LMTK2: variants seen among roughly 807,000 people sequenced by gnomAD.
LMTK2 encodes the protein lemur tail kinase 2.
A neutral mutation model predicts 127.5 loss-of-function variants in LMTK2; 37 were observed. That is an observed-to-expected ratio of 0.29 (90% CI 0.22 to 0.38). The LOEUF (loss-of-function observed/expected upper bound fraction) is 0.38. Ranked by LOEUF, LMTK2 falls within the 10% of genes least tolerant of loss-of-function variation. LMTK2 has a pLI of 1.00. For missense variants in LMTK2, 1,694 were observed against 1,920.3 expected (o/e 0.88, Z 2.20); for synonymous variants, 819 against 810.1 (o/e 1.01, Z -0.19).
chr7:98,154,550 A>G (rs1796900099), intron 4 of LMTK2, among the ~76,000 whole-genome samples: 1 of 152,246 alleles, frequency 6.6e-6, no homozygotes, highest in Non-Finnish European at 1.5e-5. Flanking sequence ...TGAATATTGT[A>G]ACTATCTGGT....
Position 98,204,098 on chromosome 7 carries a change from G to A in LMTK2, c.4395G>A (p.Ser1465=), listed in dbSNP as rs200807391. ...GCACGGAGCAGAGCTGGCCGCACTC[G>A]GCGCCTTACTCCCGGTTCTCCATCT... ...ARSTEQSWPH[S]APYSRFSISP... is the part of the protein sequence containing the mutation. The change falls in exon 13 of 14, where the codon TCG becomes TCA. Residue 1465 remains serine, a synonymous_variant. Coordinates refer to ENST00000297293, the MANE Select transcript of LMTK2 (RefSeq NM_014916.4). 196 of 1,613,286 alleles carry A rather than the reference G, an allele frequency of 1.2e-4. 1 individual carries two copies. In the East Asian group the frequency reaches 1.5e-3, roughly 13 times the overall value.
Position 98,192,954 on chromosome 7 carries a change from C to T in LMTK2, c.2489C>T (p.Pro830Leu), listed in dbSNP as rs1407220534. 6.2e-7 allele frequency: 1 copy of T among 1,614,092 alleles called. No individual in the cohort carries two copies. Among genetic ancestry groups the T allele is most frequent in the Admixed American group, 1.7e-5 (1 of 60,020 alleles). The part of the protein sequence containing the change: ...FETEETPRRV[P>L]PDSLPTQGET... ...ACAGAAGAAACGCCCCGTCGGGTAC[C>T]CCCAGACTCACTCCCAACACAGGGA... is the stretch of plus-strand genomic sequence containing the variant. Residue 830 changes from proline to leucine, a missense_variant, in exon 11 of 14, where the codon CCC becomes CTC. Pro to Leu is a moderately conservative substitution (Grantham distance 98). Transcript: ENST00000297293.
chr7:98,140,149 T>TTCG (rs1562902751), intron 2 of LMTK2, among the ~76,000 whole-genome samples: 951 of 8,216 alleles, frequency 0.12, 296 homozygotes, highest in Middle Eastern at 0.5. Context: ...TTTCTTTTCT[T>TTCG]TTCTTTTCTT....
intron 3 of LMTK2, among the ~76,000 whole-genome samples, chr7:98,144,856 A>T (rs764717338): frequency 6.6e-6 from 1 of 150,924 alleles, no homozygotes; most frequent in Non-Finnish European, 1.5e-5. Flanking sequence ...ATTAAAGCGT[A>T]TGTATTCTTG....
At chr7:98,172,204 C>G (rs905418530) in intron 7 of LMTK2, among the ~76,000 whole-genome samples, 1 of 152,184 alleles carries the variant, frequency 6.6e-6, no homozygotes, top group African/African-American at 2.4e-5. Flanking sequence ...GCCCCCCGCT[C>G]CCGGGTGGGT....
chr7:98,203,211 A>T (rs903593), intron 11 of LMTK2, among the ~76,000 whole-genome samples: 1 of 152,252 alleles, frequency 6.6e-6, no homozygotes, highest in Non-Finnish European at 1.5e-5. Context: ...TGTCCAGGGC[A>T]GTGCCCACTT....
At chr7:98,156,622 G>A (rs1422861472) in intron 5 of LMTK2, among the ~76,000 whole-genome samples, 2 of 152,116 alleles carry the variant, frequency 1.3e-5, no homozygotes, top group Non-Finnish European at 2.9e-5. Context: ...CAAAACATAC[G>A]TTAAGTTATA....
At position 98,141,475 on chromosome 7, in the gene LMTK2, G is replaced by C; in HGVS notation, c.310G>C (p.Glu104Gln). The stretch of plus-strand genomic sequence containing the variant: ...CACTCCCTCTGTTCAGTCCCCAGCA[G>C]AGGTCTTCACACTTTCAGTACCAAA... Reference protein sequence around the residue: ...EDTPSVQSPAEVFTLSVPNIS... With the variant: ...EDTPSVQSPAQVFTLSVPNIS... Residue 104 changes from glutamate (E) to glutamine (Q), a missense_variant, in exon 3 of 14, where the codon GAG (glutamate) becomes CAG (glutamine). Transcript: ENST00000297293. 6.2e-7 allele frequency: 1 copy of C among 1,613,762 alleles called. No individual in the cohort carries two copies.
chr7:98,117,999 G>A (rs571442141), intron 1 of LMTK2, among the ~76,000 whole-genome samples: 16 of 152,168 alleles, frequency 1.1e-4, no homozygotes, highest in Middle Eastern at 3.4e-3. Context: ...AACAAGATCT[G>A]GGTGCTGGGT....
chr7:98,133,796 A>G (rs1338574406), intron 1 of LMTK2, among the ~76,000 whole-genome samples: 2 of 152,154 alleles, frequency 1.3e-5, no homozygotes, highest in Non-Finnish European at 2.9e-5. Flanking sequence ...CTTCATACCT[A>G]TCTAGTGACT....
intron 9 of LMTK2, among the ~76,000 whole-genome samples, chr7:98,189,045 C>A (rs113796102): frequency 6.6e-6 from 1 of 152,142 alleles, no homozygotes; most frequent in East Asian, 1.9e-4. Flanking sequence ...TTTCAAACAA[C>A]CTTTCTTCAA....
Position 98,135,231 on chromosome 7 carries a change from AT to A in LMTK2, c.104-2083del, listed in dbSNP as rs1408788831. Among the ~76,000 whole-genome samples, 3 of 152,340 alleles carry A rather than the reference AT, an allele frequency of 2.0e-5. No individual in the cohort carries two copies. The South Asian group carries it at 6.2e-4, about 32-fold the overall frequency. On this transcript the variant is annotated intron_variant, in intron 1 of 13. Transcript: ENST00000297293. The stretch of plus-strand genomic sequence containing the variant: ...TACCCTAGCTTCATTTAAGAAAAAA[AT>A]AACCTCATTAATTTATCTCTCTGCC...
chr7:98,148,505 A>AAAAT (rs1554388173), intron 3 of LMTK2, among the ~76,000 whole-genome samples: 5 of 141,002 alleles, frequency 3.5e-5, no homozygotes, highest in African/African-American at 1.0e-4. Flanking sequence ...AAAAAAAAAA[A>AAAAT]AATAATAATA....
intron 1 of LMTK2, among the ~76,000 whole-genome samples, chr7:98,131,982 G>A (rs577473618): frequency 1.3e-5 from 2 of 152,294 alleles, no homozygotes; most frequent in South Asian, 2.1e-4. Context: ...ATGATTGATA[G>A]GAGGTTTGAA....
chr7:98,132,390 A>C (rs1434460851), intron 1 of LMTK2, among the ~76,000 whole-genome samples: 2 of 152,098 alleles, frequency 1.3e-5, no homozygotes, highest in Admixed American at 6.6e-5. Flanking sequence ...AGCTGGGACC[A>C]CAGGCGCGCG....
chr7:98,109,943 G>A (rs545429150), intron 1 of LMTK2, among the ~76,000 whole-genome samples: 16 of 152,068 alleles, frequency 1.1e-4, no homozygotes, highest in South Asian at 8.3e-4. Context: ...GAGGAATCCC[G>A]CTTGACCATG....
intron 7 of LMTK2, among the ~76,000 whole-genome samples, chr7:98,173,509 G>T (rs1797225940): frequency 6.6e-6 from 1 of 152,066 alleles, no homozygotes; most frequent in African/African-American, 2.4e-5. Flanking sequence ...ACTGGTATAG[G>T]AATTCTTAAA....
At chr7:98,110,139 G>A (rs1796180605) in intron 1 of LMTK2, among the ~76,000 whole-genome samples, 1 of 152,054 alleles carries the variant, frequency 6.6e-6, no homozygotes, top group Non-Finnish European at 1.5e-5. Context: ...CAGTTTAATG[G>A]TGCCTTAGAG....
At chr7:98,125,257 C>T (rs1264057299) in intron 1 of LMTK2, among the ~76,000 whole-genome samples, 1 of 150,640 alleles carries the variant, frequency 6.6e-6, no homozygotes, top group East Asian at 2.0e-4. Flanking sequence ...GAGCCAAGAT[C>T]ACGCCGCTGC....
Sources: allele counts gnomAD v4.1 joint callset (sites outside exome capture counted in the v4.1 genomes callset), GRCh38; gene constraint gnomAD v4.1.1; transcripts MANE v1.5; gene names NCBI Gene and HGNC (gene_info 2026-07-23, HGNC 2026-07-21).